XXYLT1: variants seen among roughly 807,000 people sequenced by gnomAD.
XXYLT1 encodes UDP-xylose:alpha-xyloside alpha-1,3-xylosyltransferase.
A neutral mutation model predicts 28.9 loss-of-function variants in XXYLT1; 20 were observed. The observed-to-expected ratio is 0.69, with a 90% confidence interval of 0.49 to 1.00. The LOEUF (loss-of-function observed/expected upper bound fraction) is 1.00. Ranked by LOEUF, XXYLT1 falls within the 50% of genes least tolerant of loss-of-function variation. The pLI is 0.00. For missense variants in XXYLT1, 542 were observed against 560.1 expected (o/e 0.97, Z 0.33); for synonymous variants, 257 against 253.8 (o/e 1.01, Z -0.12).
At chr3:195,110,033 C>G (rs111067014) in intron 3 of XXYLT1, among the ~76,000 whole-genome samples, 5,771 of 37,258 alleles carry the variant, frequency 0.15, 1,810 homozygotes, top group African/African-American at 0.39. Flanking sequence ...GTGTGCATGT[C>G]TGGTGTATGT....
intron 2 of XXYLT1, among the ~76,000 whole-genome samples, chr3:195,203,651 C>T (rs1446092410): frequency 6.6e-6 from 1 of 152,256 alleles, no homozygotes; most frequent in Non-Finnish European, 1.5e-5. Flanking sequence ...CAGACACATT[C>T]TCTCCACTGT....
intron 2 of XXYLT1, among the ~76,000 whole-genome samples, chr3:195,169,800 T>A (rs956445028): frequency 6.6e-6 from 1 of 151,702 alleles, no homozygotes; most frequent in Non-Finnish European, 1.5e-5. Flanking sequence ...GTAATATATG[T>A]TCTATGTAGG....
chr3:195,266,508 GAA>G (rs1277258578), intron 1 of XXYLT1, among the ~76,000 whole-genome samples: 1 of 151,774 alleles, frequency 6.6e-6, no homozygotes, highest in Non-Finnish European at 1.5e-5. Context: ...AAAAATAAAA[GAA>G]AAAGACAAAA....
At chr3:195,082,797 C>T (rs1715509481) in intron 3 of XXYLT1, among the ~76,000 whole-genome samples, 1 of 151,892 alleles carries the variant, frequency 6.6e-6, no homozygotes, top group South Asian at 2.1e-4. Context: ...TTGCAGTGAG[C>T]CGAGATCACT....
intron 1 of XXYLT1, among the ~76,000 whole-genome samples, chr3:195,268,380 G>A (rs1010383212): frequency 2.7e-5 from 4 of 150,288 alleles, no homozygotes; most frequent in Admixed American, 1.3e-4. Context: ...GCAGTGAGCC[G>A]AGATCACACT....
Position 195,209,146 on chromosome 3 carries a change from G to C in XXYLT1, c.652+17563C>G, listed in dbSNP as rs1377444222. Among the ~76,000 whole-genome samples the C allele has an allele frequency of 2.6e-5, 4 of 152,238 alleles. No homozygotes were observed. Among genetic ancestry groups the C allele is most frequent in the Non-Finnish European group, 4.4e-5 (3 of 68,040 alleles). On this transcript the variant is annotated intron_variant, in intron 2 of 3. Coordinates refer to ENST00000310380, the MANE Select transcript of XXYLT1 (RefSeq NM_152531.5). The surrounding 1 kb of genome is among the most constrained non-coding windows in gnomAD (Gnocchi z 5.0). Reference sequence around the variant, plus strand: ...TCCCAGAGTGTAAGATGCCAGTGGGGTTAGGACAGGAACCGGCTCACCCTG... The same window carrying C: ...TCCCAGAGTGTAAGATGCCAGTGGGCTTAGGACAGGAACCGGCTCACCCTG...
chr3:195,230,694 G>A (rs892012868), intron 1 of XXYLT1, among the ~76,000 whole-genome samples: 1 of 152,122 alleles, frequency 6.6e-6, no homozygotes, highest in Non-Finnish European at 1.5e-5. Context: ...CATTGTAGAT[G>A]TATGGATTTA....
At chr3:195,090,898 C>T (rs1257244577) in intron 3 of XXYLT1, among the ~76,000 whole-genome samples, 2 of 151,706 alleles carry the variant, frequency 1.3e-5, no homozygotes, top group African/African-American at 4.9e-5. Flanking sequence ...ACTACAAACA[C>T]CTCTACACAA....
At chr3:195,132,027 C>T (rs181717890) in intron 3 of XXYLT1, among the ~76,000 whole-genome samples, 32 of 152,226 alleles carry the variant, frequency 2.1e-4, no homozygotes, top group African/African-American at 7.2e-4. Flanking sequence ...GGGAGCCAGG[C>T]GGGACCTCAC....
At chr3:195,159,100 A>G (rs572875085) in intron 2 of XXYLT1, among the ~76,000 whole-genome samples, 1 of 152,340 alleles carries the variant, frequency 6.6e-6, no homozygotes, top group South Asian at 2.1e-4. Context: ...AACTGCCCCC[A>G]AAGCCAGGAA....
At chr3:195,112,601 GCA>G (rs1173265340) in intron 3 of XXYLT1, among the ~76,000 whole-genome samples, 2 of 145,868 alleles carry the variant, frequency 1.4e-5, no homozygotes, top group Non-Finnish European at 1.5e-5. Flanking sequence ...ACACACGCAT[GCA>G]CACACACGCA....
At chr3:195,131,231 C>A (rs1284130691) in intron 3 of XXYLT1, among the ~76,000 whole-genome samples, 1 of 152,212 alleles carries the variant, frequency 6.6e-6, no homozygotes, top group Non-Finnish European at 1.5e-5. Context: ...GACTCAGAAG[C>A]CGAACCACCC....
chr3:195,248,835 G>A (rs571503661), intron 1 of XXYLT1, among the ~76,000 whole-genome samples: 13 of 152,172 alleles, frequency 8.5e-5, no homozygotes, highest in Non-Finnish European at 1.9e-4. Flanking sequence ...CAGGAGAATC[G>A]CTTGAACTCG....
At chr3:195,083,967 A>T (rs1367238813) in intron 3 of XXYLT1, among the ~76,000 whole-genome samples, 1 of 152,172 alleles carries the variant, frequency 6.6e-6, no homozygotes, top group Non-Finnish European at 1.5e-5. Flanking sequence ...CAGAGGTTGC[A>T]GCGAGCCGAG....
chr3:195,261,657 G>A (rs1315955459), intron 1 of XXYLT1, among the ~76,000 whole-genome samples: 1 of 152,174 alleles, frequency 6.6e-6, no homozygotes. Context: ...AGGGTAAGGA[G>A]GGGAAAGTCA....
intron 3 of XXYLT1, among the ~76,000 whole-genome samples, chr3:195,127,176 T>C (rs1377242212): frequency 2.0e-5 from 3 of 152,064 alleles, no homozygotes; most frequent in African/African-American, 7.2e-5. Flanking sequence ...CCGGTAAACA[T>C]GAGTGTTCAG....
intron 2 of XXYLT1, among the ~76,000 whole-genome samples, chr3:195,178,608 G>C (rs1437991199): frequency 6.6e-6 from 1 of 152,206 alleles, no homozygotes; most frequent in Non-Finnish European, 1.5e-5. Flanking sequence ...GCAGGGAGCT[G>C]AGAATAGCCC....
chr3:195,080,140 A>G (rs552458569), intron 3 of XXYLT1, among the ~76,000 whole-genome samples: 121 of 152,284 alleles, frequency 7.9e-4, no homozygotes, highest in Admixed American at 2.6e-3. Flanking sequence ...CAGTCACTAG[A>G]GGGAAGTGAA....
In XXYLT1 at chr3:195,069,985, C is replaced by A. The variant is rs374464105; in HGVS notation, c.912G>T (p.Pro304=). Residue 304 remains proline (P), a synonymous_variant, in exon 4 of 4, where the codon CCG becomes CCT. Coordinates refer to ENST00000310380, the MANE Select transcript of XXYLT1 (RefSeq NM_152531.5). ...LLNLEAMRQS[P]LYSRLLEPAQ... Reference sequence around the variant, plus strand: ...CCGGCTCCAGCAGGCGGCTGTAGAGCGGGGACTGGCGCATGGCCTCCAGGT... The same window carrying A: ...CCGGCTCCAGCAGGCGGCTGTAGAGAGGGGACTGGCGCATGGCCTCCAGGT... 44 of 1,609,032 alleles carry A rather than the reference C, an allele frequency of 2.7e-5. No individual in the cohort carries two copies. In the South Asian group the frequency reaches 3.4e-4, roughly 12 times the overall value.
Sources: allele counts gnomAD v4.1 joint callset (sites outside exome capture counted in the v4.1 genomes callset), GRCh38; gene constraint gnomAD v4.1.1; non-coding constraint Gnocchi (gnomAD v3.1); transcripts MANE v1.5; gene names NCBI Gene and HGNC (gene_info 2026-07-23, HGNC 2026-07-21).